KLHL1: variants seen among roughly 807,000 people sequenced by gnomAD.
KLHL1 encodes kelch like family member 1, also known as kelch-like protein 1.
In KLHL1, 47 loss-of-function variants were observed where a neutral mutation model predicts 77.7. The ratio of observed to expected loss-of-function variants is 0.60; its 90% CI spans 0.48 to 0.77. The LOEUF (loss-of-function observed/expected upper bound fraction) is 0.77, where lower values mean the gene tolerates loss of function less well. Ranked by LOEUF, KLHL1 falls within the 30% of genes least tolerant of loss-of-function variation. The pLI is 0.00. For missense variants in KLHL1, 925 were observed against 910.8 expected, an observed-to-expected ratio of 1.02 and a Z score of -0.20; for synonymous variants, 360 against 325.2, an observed-to-expected ratio of 1.11 and a Z score of -1.15.
chr13:69,784,676 T>C (rs1335275686), intron 7 of KLHL1, among the ~76,000 whole-genome samples: 1 of 151,308 alleles, frequency 6.6e-6, no homozygotes, highest in Non-Finnish European at 1.5e-5. Flanking sequence ...AGCACCCAGA[T>C]TCATAAAGCA....
At chr13:69,973,163 G>C (rs1884442630) in intron 2 of KLHL1, among the ~76,000 whole-genome samples, 1 of 151,778 alleles carries the variant, frequency 6.6e-6, no homozygotes, top group Non-Finnish European at 1.5e-5. Context: ...ATGCCTAACA[G>C]TAAACAGAAC....
intron 3 of KLHL1, among the ~76,000 whole-genome samples, chr13:69,957,576 G>A (rs1268317611): frequency 1.3e-5 from 2 of 151,680 alleles, no homozygotes; most frequent in Non-Finnish European, 1.5e-5. Flanking sequence ...AATATACACC[G>A]TGACCCTCTT....
chr13:69,974,569 A>T (rs1884487923), intron 2 of KLHL1, among the ~76,000 whole-genome samples: 1 of 151,940 alleles, frequency 6.6e-6, no homozygotes, highest in Non-Finnish European at 1.5e-5. Context: ...ATTATAGGAA[A>T]CACCCATCTT....
chr13:70,097,768 T>A (rs1887828466), intron 1 of KLHL1, among the ~76,000 whole-genome samples: 1 of 151,894 alleles, frequency 6.6e-6, no homozygotes, highest in South Asian at 2.1e-4. Context: ...TCAAACATGT[T>A]GGTGATGTAA....
intron 2 of KLHL1, among the ~76,000 whole-genome samples, chr13:69,964,176 T>G (rs1437107176): frequency 6.6e-6 from 1 of 152,116 alleles, no homozygotes; most frequent in African/African-American, 2.4e-5. Context: ...CTCAAACAGC[T>G]AGGATCACAA....
At chr13:70,100,187 T>A (rs58820409) in intron 1 of KLHL1, among the ~76,000 whole-genome samples, 1 of 132,938 alleles carries the variant, frequency 7.5e-6, no homozygotes, top group Non-Finnish European at 1.6e-5. Context: ...ATATTCATAT[T>A]TCTTCATTAT....
chr13:69,973,265 C>G lies in KLHL1; in HGVS notation c.680+2355G>C, dbSNP rs140477681. On this transcript the variant is annotated intron_variant, in intron 2 of 10. Coordinates refer to ENST00000377844, the MANE Select transcript of KLHL1 (RefSeq NM_020866.3). ...ACACCATATAACCAGCACATAAATA[C>G]ATGATATTATGTAGAGTCCTTCAAT... is the stretch of plus-strand genomic sequence containing the variant. 8.2e-3 allele frequency among the ~76,000 whole-genome samples: 1,247 copies of G among 151,808 alleles called. 24 individuals carry two copies. The highest frequency in any genetic ancestry group is 0.028 in the African/African-American group (1,181 of 41,472).
At chr13:70,015,486 TTTGAG>T (rs1269773801) in intron 1 of KLHL1, among the ~76,000 whole-genome samples, 1 of 152,144 alleles carries the variant, frequency 6.6e-6, no homozygotes, top group Admixed American at 6.5e-5. Context: ...TTTAAGATGG[TTTGAG>T]TTAAAATTTT....
intron 7 of KLHL1, among the ~76,000 whole-genome samples, chr13:69,774,115 A>G (rs554713136): frequency 3.4e-4 from 51 of 152,030 alleles, no homozygotes; most frequent in African/African-American, 1.1e-3. Flanking sequence ...AAGAATAGTA[A>G]CACAGCAGTA....
intron 5 of KLHL1, among the ~76,000 whole-genome samples, chr13:69,849,777 C>T (rs557333535): frequency 6.6e-6 from 1 of 151,408 alleles, no homozygotes; most frequent in East Asian, 2.0e-4. Flanking sequence ...GAGCTATAGG[C>T]CCCATGATTT....
intron 3 of KLHL1, among the ~76,000 whole-genome samples, chr13:69,952,771 A>G (rs953594915): frequency 3.8e-4 from 57 of 151,298 alleles, no homozygotes; most frequent in African/African-American, 1.2e-3. Flanking sequence ...GTCCTTTCCC[A>G]AGCATAATGG....
intron 7 of KLHL1, among the ~76,000 whole-genome samples, chr13:69,787,554 A>T (rs1359914106): frequency 6.6e-6 from 1 of 152,136 alleles, no homozygotes; most frequent in Non-Finnish European, 1.5e-5. Context: ...AACCATAAAA[A>T]CCCTAGAAGG....
chr13:70,052,631 A>G (rs1418560997), intron 1 of KLHL1, among the ~76,000 whole-genome samples: 2 of 151,890 alleles, frequency 1.3e-5, no homozygotes, highest in African/African-American at 4.8e-5. Flanking sequence ...TTTATTAACT[A>G]TTAAAATAAA....
chr13:69,890,771 T>C lies in KLHL1; in HGVS notation c.1015-8276A>G, dbSNP rs572586263. 8.5e-5 allele frequency among the ~76,000 whole-genome samples: 13 copies of C among 152,124 alleles called. No homozygotes were observed. The South Asian group carries it at 2.7e-3, about 32-fold the overall frequency. On this transcript the variant is annotated intron_variant, in intron 4 of 10. Coordinates refer to ENST00000377844, the MANE Select transcript of KLHL1 (RefSeq NM_020866.3). ...AAGGATGCTAGAACTAAAGATATAG[T>C]TTTAGTTGAAACTATATATGTCTGT...
chr13:69,802,724 G>A (rs191403162), intron 6 of KLHL1, among the ~76,000 whole-genome samples: 10 of 151,452 alleles, frequency 6.6e-5, no homozygotes, highest in East Asian at 5.9e-4. Flanking sequence ...ACCCTCTCAC[G>A]TGCACCCCCA....
intron 1 of KLHL1, among the ~76,000 whole-genome samples, chr13:70,042,844 G>T (rs183777352): frequency 6.6e-6 from 1 of 152,262 alleles, no homozygotes; most frequent in East Asian, 1.9e-4. Flanking sequence ...TGCCCCTGAA[G>T]ACTCTCCAGT....
chr13:70,096,313 G>A (rs1377996482), intron 1 of KLHL1, among the ~76,000 whole-genome samples: 1 of 151,982 alleles, frequency 6.6e-6, no homozygotes, highest in Non-Finnish European at 1.5e-5. Flanking sequence ...CCCACAAACA[G>A]CATATGAGGG....
chr13:70,007,701 C>T (rs1034409593), intron 1 of KLHL1, among the ~76,000 whole-genome samples: 7 of 151,894 alleles, frequency 4.6e-5, no homozygotes, highest in South Asian at 2.1e-4. Context: ...TTCAACTTTC[C>T]TAGTACTGTA....
intron 1 of KLHL1, among the ~76,000 whole-genome samples, chr13:70,056,797 C>G (rs570368102): frequency 6.6e-6 from 1 of 151,726 alleles, no homozygotes; most frequent in Non-Finnish European, 1.5e-5. Context: ...ACACAATGTA[C>G]AAAAACTATG....
Sources: gnomAD v4.1 joint callset for allele counts (sites outside exome capture counted in the v4.1 genomes callset) on GRCh38, gnomAD v4.1.1 for gene constraint, MANE v1.5 for transcripts, NCBI Gene and HGNC (gene_info 2026-07-23, HGNC 2026-07-21) for gene names.